UQCC1: variants seen among roughly 807,000 people sequenced by gnomAD.
The protein encoded by UQCC1 is bFGF-repressed Zic-binding protein.
Under a neutral mutation model 48.0 loss-of-function variants are expected in UQCC1, and 38 were observed. The observed-to-expected ratio is 0.79, with a 90% CI of 0.61 to 1.04. UQCC1 has a LOEUF of 1.04. UQCC1 is among the 50% of genes least tolerant of loss of function. The pLI, the probability that UQCC1 is intolerant of heterozygous loss-of-function variation, is 0.00. For missense variants in UQCC1, 368 were observed against 381.8 expected (o/e 0.96, Z 0.30); for synonymous variants, 111 against 129.2 (o/e 0.86, Z 0.95).
Position 35,385,086 on chromosome 20 carries a change from G to A in UQCC1, c.130-953C>T, listed in dbSNP as rs1002777624. 2.6e-4 allele frequency among the ~76,000 whole-genome samples: 39 copies of A among 151,616 alleles called. 1 individual carries two copies. The highest frequency in any genetic ancestry group is 7.3e-4 in the African/African-American group (30 of 41,292). ...CTATTTAAATATGGGCAGCAGTGCC[G>A]TATATGGGGAAAAAAATAAAGACAC... On this transcript the variant is annotated intron_variant, in intron 2 of 9. Coordinates refer to ENST00000374385, the MANE Select transcript of UQCC1 (RefSeq NM_018244.5).
At chr20:35,363,061 C>A (rs1547913) in intron 6 of UQCC1, among the ~76,000 whole-genome samples, 47 of 147,884 alleles carry the variant, frequency 3.2e-4, no homozygotes, top group East Asian at 9.8e-4. Flanking sequence ...AAGAAAGAAA[C>A]AAAAGAAAAT....
intron 7 of UQCC1, chr20:35,344,539 G>T (rs2061412841): frequency 6.6e-6 from 1 of 152,348 alleles, no homozygotes; most frequent in South Asian, 2.1e-4. Flanking sequence ...TGACCAGGAG[G>T]TATCTCTGGC....
chr20:35,340,772 CA>C (rs1261095399), intron 7 of UQCC1, among the ~76,000 whole-genome samples: 2 of 151,992 alleles, frequency 1.3e-5, no homozygotes, highest in African/African-American at 4.8e-5. Flanking sequence ...CCTAGAGATG[CA>C]AAACAGTAAA....
At chr20:35,323,463 G>GT (rs1170594488) in intron 7 of UQCC1, among the ~76,000 whole-genome samples, 2 of 152,096 alleles carry the variant, frequency 1.3e-5, no homozygotes, top group Admixed American at 1.3e-4. Flanking sequence ...ATATGAAAAG[G>GT]TAATTATTAT....
chr20:35,405,880 T>G (rs987179688), intron 1 of UQCC1, among the ~76,000 whole-genome samples: 2 of 152,162 alleles, frequency 1.3e-5, no homozygotes, highest in Non-Finnish European at 2.9e-5. Flanking sequence ...GAAGTTATTT[T>G]TTTAAAGACA....
At chr20:35,406,357 G>A (rs2062250855) in intron 1 of UQCC1, among the ~76,000 whole-genome samples, 1 of 152,196 alleles carries the variant, frequency 6.6e-6, no homozygotes, top group African/African-American at 2.4e-5. Flanking sequence ...ATGAGCAAGA[G>A]AAGAAACTCA....
intron 7 of UQCC1, among the ~76,000 whole-genome samples, chr20:35,327,661 T>G (rs116004268): frequency 0.025 from 3,741 of 152,162 alleles, 153 homozygotes; most frequent in African/African-American, 0.084. Context: ...AGTAGTGAGG[T>G]GGTCAAGGTT....
rs1038181328 is a variant in UQCC1 at position 35,370,924 on chromosome 20, C to G, written c.406+3260G>C. ...AGGTTCAAGGCTTGGCTAGGCAACC[C>G]TGGGTGAGTCACTTAGCCCCTTTGA... On this transcript the variant is annotated intron_variant, in intron 5 of 9. Coordinates refer to ENST00000374385, the MANE Select transcript of UQCC1 (RefSeq NM_018244.5). 1.8e-4 allele frequency among the ~76,000 whole-genome samples: 28 copies of G among 152,292 alleles called. 1 individual carries two copies. Among genetic ancestry groups the G allele is most frequent in the African/African-American group, 6.5e-4 (27 of 41,562 alleles).
At chr20:35,323,093 T>C (rs13043895) in intron 7 of UQCC1, among the ~76,000 whole-genome samples, 59,944 of 151,676 alleles carry the variant, frequency 0.4, 12,996 homozygotes, top group African/African-American at 0.58. Flanking sequence ...GTGATCCGCC[T>C]GCCTCAGCCT....
chr20:35,359,503 A>T (rs1336973532), intron 6 of UQCC1, among the ~76,000 whole-genome samples: 1 of 152,186 alleles, frequency 6.6e-6, no homozygotes, highest in Non-Finnish European at 1.5e-5. Flanking sequence ...GATTCTTGTT[A>T]TTCCTGATGC....
chr20:35,331,926 A>G (rs2061261645), intron 7 of UQCC1, among the ~76,000 whole-genome samples: 1 of 152,214 alleles, frequency 6.6e-6, no homozygotes, highest in Admixed American at 6.5e-5. Context: ...ACACTGTGCT[A>G]AGCCATATTG....
At chr20:35,306,132 G>A (rs2060925905) in intron 9 of UQCC1, among the ~76,000 whole-genome samples, 2 of 152,190 alleles carry the variant, frequency 1.3e-5, no homozygotes, top group African/African-American at 4.8e-5. Context: ...AAGCTTTGAT[G>A]TCGGGGAGCC....
chr20:35,330,304 T>G (rs554555583), intron 7 of UQCC1, among the ~76,000 whole-genome samples: 158 of 152,362 alleles, frequency 1.0e-3, no homozygotes, highest in Non-Finnish European at 1.7e-3. Flanking sequence ...TATATGACAC[T>G]GACCAAGCCT....
chr20:35,391,086 C>A (rs1039392791), intron 2 of UQCC1, among the ~76,000 whole-genome samples: 1 of 151,902 alleles, frequency 6.6e-6, no homozygotes, highest in African/African-American at 2.4e-5. Flanking sequence ...ATCCCAGTTA[C>A]TGGGGAGGCT....
At chr20:35,328,348 T>C (rs2061220023) in intron 7 of UQCC1, among the ~76,000 whole-genome samples, 1 of 152,172 alleles carries the variant, frequency 6.6e-6, no homozygotes, top group South Asian at 2.1e-4. Context: ...AAACCACCTT[T>C]CCTTTTTCCT....
chr20:35,315,683 G>A (rs182085499), intron 7 of UQCC1, among the ~76,000 whole-genome samples: 1 of 152,304 alleles, frequency 6.6e-6, no homozygotes, highest in Non-Finnish European at 1.5e-5. Flanking sequence ...GAGCCCAGGA[G>A]TTTGAGACCA....
chr20:35,371,495 G>A (rs1484379839), intron 5 of UQCC1, among the ~76,000 whole-genome samples: 2 of 151,620 alleles, frequency 1.3e-5, no homozygotes, highest in Admixed American at 1.3e-4. Flanking sequence ...CCACCACCAT[G>A]CCCAGCTAAT....
At chr20:35,313,153 G>A (rs2146304405) in intron 8 of UQCC1, among the ~76,000 whole-genome samples, 2 of 152,200 alleles carry the variant, frequency 1.3e-5, no homozygotes, top group East Asian at 3.9e-4. Context: ...GAGGCGGGCA[G>A]ATCACAAGGT....
chr20:35,337,066 A>G (rs980298795), intron 7 of UQCC1, among the ~76,000 whole-genome samples: 19 of 152,178 alleles, frequency 1.2e-4, no homozygotes, highest in African/African-American at 4.1e-4. Context: ...CAATTTCCCA[A>G]TCATCTAAAT....
Sources: gnomAD v4.1 joint callset for allele counts (sites outside exome capture counted in the v4.1 genomes callset) on GRCh38, gnomAD v4.1.1 for gene constraint, MANE v1.5 for transcripts, NCBI Gene and HGNC (gene_info 2026-07-23, HGNC 2026-07-21) for gene names.